Variants in KDR observed in about 807,000 individuals in gnomAD.
The protein encoded by KDR is vascular endothelial growth factor receptor 2.
Under a neutral mutation model 160.9 loss-of-function variants are expected in KDR, and 43 were observed. The ratio of observed to expected loss-of-function variants is 0.27; its 90% CI spans 0.21 to 0.34. The LOEUF (loss-of-function observed/expected upper bound fraction) is 0.34. KDR is among the 10% of genes least tolerant of loss of function. The probability of loss-of-function intolerance (pLI) is 1.00; values close to 1 mark genes in which losing one functional copy is unlikely to be tolerated. For missense variants in KDR, 1,469 were observed against 1,666.4 expected, an observed-to-expected ratio of 0.88 and a Z score of 2.06; for synonymous variants, 617 against 600.1, an observed-to-expected ratio of 1.03 and a Z score of -0.41.
At chr4:55,113,866 T>G (rs938526314) in intron 6 of KDR, among the ~76,000 whole-genome samples, 2 of 152,354 alleles carry the variant, frequency 1.3e-5, no homozygotes, top group East Asian at 3.9e-4. Context: ...TGTAATCACC[T>G]AGAGAAAACT....
chr4:55,084,222 G>A, intron 27 of KDR, among the ~76,000 whole-genome samples: 1 of 152,130 alleles, frequency 6.6e-6, no homozygotes, highest in East Asian at 1.9e-4. Flanking sequence ...TTTAGGCATG[G>A]GATTGACAAG....
chr4:55,110,582 C>A lies in KDR; in HGVS notation c.1092-16G>T, dbSNP rs1361271166. ...ATTTTTATACCTATGAAAAAAAATT[C>A]TCAGGAATTAGTATAGTCAAAGGAT... On this transcript the variant is annotated splice_polypyrimidine_tract_variant and intron_variant, in intron 8 of 29. Transcript: ENST00000263923. 1.2e-6 allele frequency: 2 copies of A among 1,613,482 alleles called. No individual in the cohort carries two copies. Among genetic ancestry groups the A allele is most frequent in the Non-Finnish European group, 8.5e-7 (1 of 1,179,642 alleles).
intron 18 of KDR, among the ~76,000 whole-genome samples, chr4:55,097,299 T>C (rs1720183962): frequency 6.6e-6 from 1 of 152,226 alleles, no homozygotes; most frequent in African/African-American, 2.4e-5. Flanking sequence ...TTCCTTTCCA[T>C]GTCTCTAGAT....
At chr4:55,089,842 CA>C in intron 23 of KDR, 40 bp from the exon 24 acceptor site, 1 of 1,606,682 alleles carries the variant, frequency 6.2e-7, no homozygotes, top group South Asian at 1.1e-5. Context: ...CCCAAATTAG[CA>C]AATATCTGAA....
chr4:55,099,348 C>T (rs1046089831), intron 15 of KDR, among the ~76,000 whole-genome samples: 75 of 152,100 alleles, frequency 4.9e-4, no homozygotes, highest in African/African-American at 1.8e-3. Context: ...AAATTTAAAG[C>T]TTGCAAAACA....
chr4:55,089,301 A>C, intron 25 of KDR, 73 bp downstream of exon 25: 2 of 1,085,428 alleles, frequency 1.8e-6, no homozygotes, highest in Non-Finnish European at 2.8e-6. Flanking sequence ...GGTCTATATA[A>C]TGGAAAGTCT....
intron 20 of KDR, 142 bp downstream of exon 20, chr4:55,095,435 G>A: frequency 1.4e-6 from 1 of 689,922 alleles, no homozygotes; most frequent in South Asian, 1.6e-5. Context: ...AGGTAAAAGA[G>A]GAAGTTACAA....
chr4:55,094,570 C>T (rs1447948851), intron 21 of KDR, among the ~76,000 whole-genome samples: 3 of 152,200 alleles, frequency 2.0e-5, no homozygotes, highest in African/African-American at 4.8e-5. Flanking sequence ...GCTTAGCCCA[C>T]TTGGACTACC....
intron 23 of KDR, 66 bp from the exon 24 acceptor site, chr4:55,089,868 C>T (rs1034821648): frequency 2.5e-6 from 4 of 1,601,710 alleles, no homozygotes; most frequent in Non-Finnish European, 2.6e-6. Flanking sequence ...AAAACTTCCT[C>T]TGTTCCTGAA....
At chr4:55,087,524 G>T in intron 27 of KDR, 83 bp downstream of exon 27, 1 of 1,271,292 alleles carries the variant, frequency 7.9e-7, no homozygotes, top group Non-Finnish European at 1.1e-6. Flanking sequence ...CCTTAGACAA[G>T]GTCTTCCTTC....
chr4:55,107,089 T>A (rs2110024788), intron 10 of KDR, among the ~76,000 whole-genome samples: 1 of 152,276 alleles, frequency 6.6e-6, no homozygotes, highest in East Asian at 1.9e-4. Flanking sequence ...TTAATTTAGT[T>A]CAAAGGAAGG....
rs115528417 is a variant in KDR, at chr4:55,078,724, T to C, written c.*1217A>G. ...CCAAACAAAAAACACATTTTCTTTT[T>C]TGAAAAAAAGGACAGAACAAGGGCA... On this transcript the variant is annotated 3_prime_UTR_variant, in exon 30 of 30. Transcript: ENST00000263923. The C allele has an allele frequency of 0.018, 4,248 of 232,838 alleles. 67 individuals are homozygous for C. The highest frequency in any genetic ancestry group is 0.079 in the Middle Eastern group (62 of 784). 14.4% of individuals were successfully genotyped at this position (232,838 alleles called of 1,614,324 possible). A position where few individuals can be genotyped will look rare whatever the true frequency, so the allele number is the denominator to read the frequency against.
At position 55,100,520 on chromosome 4, in the gene KDR, A is replaced by G. The variant is rs550592890; in HGVS notation, c.2266+1377T>C. On this transcript the variant is annotated intron_variant, in intron 15 of 29. Coordinates refer to ENST00000263923, the MANE Select transcript of KDR (RefSeq NM_002253.4). ...CTGTGCCAGTGTTACCTAGTTAGGCATCTGTAACCAGCTGCAGGCCACCAA... is the reference window on the plus strand; with the variant it reads ...CTGTGCCAGTGTTACCTAGTTAGGCGTCTGTAACCAGCTGCAGGCCACCAA... Among the ~76,000 whole-genome samples the G allele has an allele frequency of 1.8e-4, 27 of 152,320 alleles. No homozygotes were observed. The East Asian group carries it at 4.8e-3, about 27-fold the overall frequency.
rs527635842 is a variant in KDR at position 55,108,962 on chromosome 4, C to G, written c.1256-1069G>C. On this transcript the variant is annotated intron_variant, in intron 9 of 29. Coordinates refer to ENST00000263923, the MANE Select transcript of KDR (RefSeq NM_002253.4). ...ATGAACTGATGAAATGGGCTATTTG[C>G]TGTCCGTGTTTTGTTTTTATTTCCT... Among the ~76,000 whole-genome samples the G allele has an allele frequency of 2.6e-5, 4 of 152,174 alleles. No homozygotes were observed. In the East Asian group the frequency reaches 7.7e-4, roughly 29 times the overall value.
At chr4:55,084,620 G>A (rs890213429) in intron 27 of KDR, among the ~76,000 whole-genome samples, 5 of 152,122 alleles carry the variant, frequency 3.3e-5, no homozygotes, top group African/African-American at 9.7e-5. Context: ...TCAAGGATTA[G>A]GGAGAAAATG....
At chr4:55,091,739 C>T (rs1720023775) in intron 22 of KDR, among the ~76,000 whole-genome samples, 1 of 152,146 alleles carries the variant, frequency 6.6e-6, no homozygotes, top group Admixed American at 6.5e-5. Flanking sequence ...CATTAAGCTG[C>T]ATGAATACAT....
intron 16 of KDR, 88 bp from the exon 17 acceptor site, chr4:55,098,360 A>G: frequency 1.4e-6 from 2 of 1,461,236 alleles, no homozygotes; most frequent in South Asian, 1.2e-5. Flanking sequence ...TTGGAGCCTC[A>G]TTCCTGTCTC....
intron 3 of KDR, among the ~76,000 whole-genome samples, chr4:55,117,996 A>G (rs1321424393): frequency 6.6e-6 from 1 of 152,182 alleles, no homozygotes; most frequent in Non-Finnish European, 1.5e-5. Context: ...CCCAAACTGC[A>G]CATCCTAGAA....
At chr4:55,113,602 A>G (rs902028618) in intron 6 of KDR, 121 bp from the exon 7 acceptor site, 18 of 854,218 alleles carry the variant, frequency 2.1e-5, no homozygotes, top group Admixed American at 1.6e-4. Context: ...AAAAACAGGG[A>G]CACCAGAACT....
Sources: gnomAD v4.1 joint callset for allele counts (sites outside exome capture counted in the v4.1 genomes callset) on GRCh38, gnomAD v4.1.1 for gene constraint, MANE v1.5 for transcripts, NCBI Gene and HGNC (gene_info 2026-07-23, HGNC 2026-07-21) for gene names.